Variants in PACS1 observed in about 807,000 individuals in gnomAD.
The protein encoded by PACS1 is PACS-1.
A neutral mutation model predicts 115.0 loss-of-function variants in PACS1; 24 were observed. The ratio of observed to expected loss-of-function variants is 0.21; its 90% CI spans 0.15 to 0.29. The LOEUF is 0.29. PACS1 is among the 10% of genes least tolerant of loss of function. The pLI, the probability that PACS1 is intolerant of heterozygous loss-of-function variation, is 1.00. For missense variants in PACS1, 838 were observed against 1,251.2 expected, an observed-to-expected ratio of 0.67 and a Z score of 4.98; for synonymous variants, 453 against 504.5, an observed-to-expected ratio of 0.90 and a Z score of 1.37.
Position 66,193,587 on chromosome 11 carries a change from G to A in PACS1, c.444+14G>A, listed in dbSNP as rs778050721. On this transcript the variant is annotated intron_variant, in intron 2 of 23. Coordinates refer to ENST00000320580, the MANE Select transcript of PACS1 (RefSeq NM_018026.4). ...GTGAAGCTGCAGGTGAGTGGGGCAGGACTGTTTGTTCAGGGCCCAGGGAAG... is the reference window on the plus strand; with the variant it reads ...GTGAAGCTGCAGGTGAGTGGGGCAGAACTGTTTGTTCAGGGCCCAGGGAAG... The A allele has an allele frequency of 2.5e-6, 4 of 1,598,696 alleles. No individual in the cohort carries two copies. The East Asian group carries it at 6.7e-5, about 27-fold the overall frequency.
chr11:66,181,953 C>T (rs1860022683), intron 1 of PACS1, among the ~76,000 whole-genome samples: 1 of 152,208 alleles, frequency 6.6e-6, no homozygotes, highest in Non-Finnish European at 1.5e-5. Context: ...TTGAGCACTT[C>T]TGTATGCCAG....
intron 1 of PACS1, among the ~76,000 whole-genome samples, chr11:66,080,144 C>T (rs146279525): frequency 5.5e-4 from 84 of 152,344 alleles, no homozygotes; most frequent in African/African-American, 2.0e-3. Context: ...AAATCAATGA[C>T]ACTGATTTTC....
At chr11:66,153,160 C>A (rs1223463761) in intron 1 of PACS1, among the ~76,000 whole-genome samples, 1 of 151,826 alleles carries the variant, frequency 6.6e-6, no homozygotes, top group Admixed American at 6.6e-5. Context: ...CACTATGTTG[C>A]CCAGGCTTGA....
At chr11:66,135,636 C>G (rs979738074) in intron 1 of PACS1, among the ~76,000 whole-genome samples, 1 of 151,592 alleles carries the variant, frequency 6.6e-6, no homozygotes, top group Non-Finnish European at 1.5e-5. Context: ...CTGCCCTCAT[C>G]CCTGCTGGCC....
chr11:66,231,195 T>C (rs1855585523), intron 13 of PACS1, among the ~76,000 whole-genome samples: 1 of 152,288 alleles, frequency 6.6e-6, no homozygotes, highest in African/African-American at 2.4e-5. Context: ...GGTCGTGGCC[T>C]GCCACGGCTG....
At chr11:66,238,596 G>A (rs1033459063) in intron 19 of PACS1, 30 of 546,338 alleles carry the variant, frequency 5.5e-5, no homozygotes, top group Non-Finnish European at 8.7e-5. Flanking sequence ...CGCCTCTCAG[G>A]TTCAAGCGAT....
chr11:66,152,449 A>G (rs1859263003), intron 1 of PACS1, among the ~76,000 whole-genome samples: 1 of 152,222 alleles, frequency 6.6e-6, no homozygotes, highest in South Asian at 2.1e-4. Context: ...AAAAATAGGC[A>G]AAAAACAATA....
In PACS1 at chr11:66,233,639, C is replaced by A; in HGVS notation, c.1839-146C>A. 1.4e-6 allele frequency: 1 copy of A among 724,780 alleles called. No individual in the cohort carries two copies. 44.9% of individuals were successfully genotyped at this position (724,780 alleles called of 1,614,324 possible). A position where few individuals can be genotyped will look rare whatever the true frequency, so the allele number is the denominator to read the frequency against. ...TTGTGAAAGCACTGTGGCTTATTCCCTGTATGATCCTCTCTGTTTTATTTT... is the reference window on the plus strand; with the variant it reads ...TTGTGAAAGCACTGTGGCTTATTCCATGTATGATCCTCTCTGTTTTATTTT... On this transcript the variant is annotated intron_variant, in intron 15 of 23. Transcript: ENST00000320580. This position sits in a 1 kb window ranked among gnomAD's most constrained non-coding sequence, Gnocchi z 4.5.
chr11:66,216,149 G>C lies in PACS1; in HGVS notation c.691G>C (p.Val231Leu), dbSNP rs754155683. Reference sequence around the variant, plus strand: ...GCAGCATCCTAATGAAGGCGCACTGGTGCTTGGCCTACACAGCAACGTGAA... The same window carrying C: ...GCAGCATCCTAATGAAGGCGCACTGCTGCTTGGCCTACACAGCAACGTGAA... ...VMQHPNEGAL[V>L]LGLHSNVKDV... Residue 231 changes from valine to leucine, a missense_variant, in exon 5 of 24, where the codon GTG becomes CTG. Coordinates refer to ENST00000320580, the MANE Select transcript of PACS1 (RefSeq NM_018026.4). 12 of 1,613,878 alleles carry C rather than the reference G, an allele frequency of 7.4e-6. No homozygotes were observed. Among genetic ancestry groups the C allele is most frequent in the Non-Finnish European group, 1.0e-5 (12 of 1,180,014 alleles).
intron 1 of PACS1, among the ~76,000 whole-genome samples, chr11:66,093,563 A>G (rs1323843269): frequency 1.4e-5 from 2 of 145,298 alleles, no homozygotes; most frequent in Admixed American, 7.0e-5. Flanking sequence ...TGAGTGACCT[A>G]CAAAGAGACT....
At chr11:66,077,911 A>G (rs952186634) in intron 1 of PACS1, among the ~76,000 whole-genome samples, 5 of 152,104 alleles carry the variant, frequency 3.3e-5, no homozygotes, top group African/African-American at 1.2e-4. Context: ...CATGTTGGCC[A>G]GGCTGGTCTC....
Position 66,093,789 on chromosome 11 carries a change from G to C in PACS1, c.356+22947G>C, listed in dbSNP as rs200718961. 8.0e-3 allele frequency among the ~76,000 whole-genome samples: 1,219 copies of C among 151,756 alleles called. 80 individuals carry two copies. In the East Asian group the frequency reaches 0.17, roughly 21 times the overall value. On this transcript the variant is annotated intron_variant, in intron 1 of 23. Coordinates refer to ENST00000320580, the MANE Select transcript of PACS1 (RefSeq NM_018026.4). ...CACCTATTCCAAAATTGACCACATA[G>C]TTGGAAGTAAAGCTCTCCTCAGCAA...
At chr11:66,086,022 A>G (rs1857559998) in intron 1 of PACS1, among the ~76,000 whole-genome samples, 1 of 152,164 alleles carries the variant, frequency 6.6e-6, no homozygotes, top group Admixed American at 6.5e-5. Context: ...TGGTGAATAA[A>G]TCTTCATAAA....
At chr11:66,187,019 C>T (rs1026952399) in intron 1 of PACS1, among the ~76,000 whole-genome samples, 1 of 152,114 alleles carries the variant, frequency 6.6e-6, no homozygotes, top group African/African-American at 2.4e-5. Context: ...CTGGCTCTTC[C>T]GGCTCAGTGT....
At chr11:66,166,597 A>G (rs1341890754) in intron 1 of PACS1, among the ~76,000 whole-genome samples, 1 of 150,370 alleles carries the variant, frequency 6.7e-6, no homozygotes, top group Non-Finnish European at 1.5e-5. Context: ...TTAATCGTTT[A>G]TTTTTGCTTG....
At chr11:66,216,865 C>CTTTTTTTTTTTTTTTTTTTTTTTTTTT in intron 7 of PACS1, 90 bp downstream of exon 7, 2 of 818,124 alleles carry the variant, frequency 2.4e-6, no homozygotes, top group South Asian at 1.5e-5. Context: ...GTGGAGACTT[C>CTTTTTTTTTTTTTTTTTTTTTTTTTTT]TTAAAATCAA....
At position 66,070,693 on chromosome 11, in the gene PACS1, C is replaced by T. The variant is rs1446907270; in HGVS notation, c.207C>T (p.Ser69=). ...CGGCGGCGGCTGCCTCCTCCTCGTC[C>T]TCGTCTACCTCCACCTCCATGGCCG... is the stretch of plus-strand genomic sequence containing the variant. The part of the protein sequence containing the change: ...STSAAAASSS[S]SSTSTSMAVA... The change falls in exon 1 of 24, where the codon TCC becomes TCT. Residue 69 remains serine, a synonymous_variant. Coordinates refer to ENST00000320580, the MANE Select transcript of PACS1 (RefSeq NM_018026.4). The surrounding 1 kb of genome is among the most constrained non-coding windows in gnomAD (Gnocchi z 5.9). The T allele has an allele frequency of 1.3e-6, 2 of 1,580,156 alleles. No individual in the cohort carries two copies. Among genetic ancestry groups the T allele is most frequent in the Non-Finnish European group, 1.7e-6 (2 of 1,170,692 alleles).
At chr11:66,203,383 T>C (rs1342495464) in intron 2 of PACS1, among the ~76,000 whole-genome samples, 1 of 152,156 alleles carries the variant, frequency 6.6e-6, no homozygotes, top group African/African-American at 2.4e-5. Flanking sequence ...ATATTCCATA[T>C]TCATGGATTG....
At chr11:66,086,867 T>C (rs1857579139) in intron 1 of PACS1, among the ~76,000 whole-genome samples, 1 of 152,168 alleles carries the variant, frequency 6.6e-6, no homozygotes, top group South Asian at 2.1e-4. Context: ...TCCACCCACC[T>C]CTGCCTCCCA....
Sources: allele counts gnomAD v4.1 joint callset (sites outside exome capture counted in the v4.1 genomes callset), GRCh38; gene constraint gnomAD v4.1.1; non-coding constraint Gnocchi (gnomAD v3.1); transcripts MANE v1.5; gene names NCBI Gene and HGNC (gene_info 2026-07-23, HGNC 2026-07-21).